Variants in RBFOX1 observed in about 807,000 individuals in gnomAD.
The protein encoded by RBFOX1 is RNA binding protein fox-1 homolog 1.
In RBFOX1, 8 loss-of-function variants were observed where a neutral mutation model predicts 57.7. The ratio of observed to expected loss-of-function variants is 0.14; its 90% CI spans 0.08 to 0.25. RBFOX1 has a LOEUF of 0.25. Among genes scored for constraint, RBFOX1 ranks in the 10% least tolerant of loss-of-function variants. The pLI is 1.00. For synonymous variants in RBFOX1, 326 were observed against 222.4 expected (o/e 1.47, Z -4.15); for missense variants, 611 against 548.5 (o/e 1.11, Z -1.14).
chr16:6,793,421 C>G (rs146865255), intron 3 of RBFOX1, among the ~76,000 whole-genome samples: 4 of 151,968 alleles, frequency 2.6e-5, no homozygotes, highest in African/African-American at 7.3e-5. Context: ...CTTACCTGTT[C>G]GTAATACAGA....
At chr16:6,062,309 G>A (rs1290240094) in intron 1 of RBFOX1, among the ~76,000 whole-genome samples, 1 of 151,976 alleles carries the variant, frequency 6.6e-6, no homozygotes, top group Non-Finnish European at 1.5e-5. Flanking sequence ...GCCCTCTCAA[G>A]AGGTCAAGAG....
intron 2 of RBFOX1, among the ~76,000 whole-genome samples, chr16:6,619,505 C>A (rs151319212): frequency 2.0e-5 from 3 of 152,054 alleles, no homozygotes; most frequent in African/African-American, 7.2e-5. Context: ...TTATGCCTTT[C>A]TGCTTAGTTA....
At chr16:5,406,528 A>G (rs192107721) in intron 1 of RBFOX1, among the ~76,000 whole-genome samples, 2,726 of 152,130 alleles carry the variant, frequency 0.018, 40 homozygotes, top group Non-Finnish European at 0.029. Flanking sequence ...TTTAAGTGTC[A>G]TACCTTATAA....
chr16:7,453,689 G>C (rs2057877523), intron 4 of RBFOX1, among the ~76,000 whole-genome samples: 1 of 152,150 alleles, frequency 6.6e-6, no homozygotes, highest in Non-Finnish European at 1.5e-5. Context: ...AAGGTACTGA[G>C]GGTGCCTGAG....
At chr16:6,939,596 C>A (rs541992170) in intron 3 of RBFOX1, among the ~76,000 whole-genome samples, 2 of 151,448 alleles carry the variant, frequency 1.3e-5, no homozygotes, top group South Asian at 4.2e-4. Context: ...ACTGCAACCT[C>A]TCCCTCCCAA....
chr16:7,564,540 C>CAAAAAAAAAAAAAAA lies in RBFOX1; in HGVS notation c.271-15223_271-15209dup, dbSNP rs5815409. Reference sequence around the variant, plus strand: ...TGGCTGACAGAGCAAGACTCCATCTCAAAAAAAAAAAAAAAAAAAAAAAAA... The same window carrying CAAAAAAAAAAAAAAA: ...TGGCTGACAGAGCAAGACTCCATCTCAAAAAAAAAAAAAAAAAAAAAAAAAAAAAAAAAAAAAAAA... On this transcript the variant is annotated intron_variant, in intron 5 of 15. Transcript: ENST00000550418. Among the ~76,000 whole-genome samples the CAAAAAAAAAAAAAAA allele has an allele frequency of 2.2e-4, 18 of 82,516 alleles. 1 individual carries two copies. The highest frequency in any genetic ancestry group is 1.6e-3 in the African/African-American group (17 of 10,456). 54.1% of individuals were successfully genotyped at this position (82,516 alleles called of 152,430 possible).
chr16:6,771,496 G>A (rs2078286582), intron 3 of RBFOX1, among the ~76,000 whole-genome samples: 1 of 152,100 alleles, frequency 6.6e-6, no homozygotes, highest in African/African-American at 2.4e-5. Context: ...GCCTAAGTCA[G>A]CAGTCCTAGC....
intron 7 of RBFOX1, among the ~76,000 whole-genome samples, chr16:7,589,909 C>G (rs2094344999): frequency 2.3e-5 from 1 of 43,158 alleles, no homozygotes; most frequent in African/African-American, 6.6e-5. Flanking sequence ...GCTGTGTGTG[C>G]TGGGTGTGTG....
chr16:7,703,770 C>G lies in RBFOX1; in HGVS notation c.996-5286C>G, dbSNP rs903931562. 3.3e-5 allele frequency among the ~76,000 whole-genome samples: 5 copies of G among 152,146 alleles called. No individual in the cohort carries two copies. In the South Asian group the frequency reaches 6.2e-4, roughly 19 times the overall value. Reference sequence around the variant, plus strand: ...AGGCTGCATACTTATTCATTTTGCTCCAACACAACCTTAAGTTCAAGTAAG... The same window carrying G: ...AGGCTGCATACTTATTCATTTTGCTGCAACACAACCTTAAGTTCAAGTAAG... On this transcript the variant is annotated intron_variant, in intron 14 of 15. Transcript: ENST00000550418.
chr16:7,281,633 G>C (rs890949115), intron 4 of RBFOX1, among the ~76,000 whole-genome samples: 23 of 151,982 alleles, frequency 1.5e-4, no homozygotes, highest in Non-Finnish European at 2.8e-4. Flanking sequence ...TTCTTCATGG[G>C]GTTCTAGTCT....
At chr16:6,222,248 A>G (rs550938313) in intron 1 of RBFOX1, among the ~76,000 whole-genome samples, 1 of 152,296 alleles carries the variant, frequency 6.6e-6, no homozygotes, top group African/African-American at 2.4e-5. Flanking sequence ...GGTGTGGCAA[A>G]TACTGTTAAT....
intron 4 of RBFOX1, among the ~76,000 whole-genome samples, chr16:7,495,893 A>T (rs781135820): frequency 3.9e-5 from 3 of 77,810 alleles, no homozygotes; most frequent in Non-Finnish European, 8.1e-5. Flanking sequence ...CCATTCAAAG[A>T]TACTAGACTA....
chr16:5,942,742 A>G (rs1207341482), intron 4 of RBFOX1, among the ~76,000 whole-genome samples: 1 of 152,172 alleles, frequency 6.6e-6, no homozygotes, highest in Non-Finnish European at 1.5e-5. Context: ...GGTTAAAGAC[A>G]AGGTGGAGTT....
At chr16:7,131,830 C>T (rs1275382913) in intron 4 of RBFOX1, among the ~76,000 whole-genome samples, 1 of 151,976 alleles carries the variant, frequency 6.6e-6, no homozygotes, top group Non-Finnish European at 1.5e-5. Flanking sequence ...TAATTTTTCC[C>T]TACATCTAAA....
intron 1 of RBFOX1, among the ~76,000 whole-genome samples, chr16:6,084,433 G>A (rs4786813): frequency 0.092 from 13,946 of 151,862 alleles, 1,073 homozygotes; most frequent in East Asian, 0.21. Context: ...TTGTGAAGAC[G>A]GAGTCTCACC....
intron 3 of RBFOX1, among the ~76,000 whole-genome samples, chr16:6,808,319 C>G (rs2087469622): frequency 6.6e-6 from 1 of 151,988 alleles, no homozygotes; most frequent in South Asian, 2.1e-4. Flanking sequence ...CACCCCACCA[C>G]TGATTCCCAT....
chr16:6,608,622 C>G (rs2097984529), intron 2 of RBFOX1, among the ~76,000 whole-genome samples: 1 of 152,110 alleles, frequency 6.6e-6, no homozygotes, highest in Non-Finnish European at 1.5e-5. Flanking sequence ...GACCCCATCT[C>G]TACAAAAATT....
At chr16:5,513,450 T>A (rs1251645540) in intron 2 of RBFOX1, among the ~76,000 whole-genome samples, 1 of 152,174 alleles carries the variant, frequency 6.6e-6, no homozygotes, top group East Asian at 1.9e-4. Context: ...TGAAGCTGTG[T>A]TTGTCAGGTT....
At chr16:5,982,212 C>T (rs896153419) in intron 4 of RBFOX1, among the ~76,000 whole-genome samples, 28 of 152,286 alleles carry the variant, frequency 1.8e-4, no homozygotes, top group African/African-American at 5.1e-4. Context: ...GCTACATTGC[C>T]GCCAAGTTGT....
Sources: allele counts gnomAD v4.1 joint callset (sites outside exome capture counted in the v4.1 genomes callset), GRCh38; gene constraint gnomAD v4.1.1; transcripts MANE v1.5; gene names NCBI Gene and HGNC (gene_info 2026-07-23, HGNC 2026-07-21).